Variants in ZNF554 observed in about 807,000 individuals in gnomAD.
ZNF554 encodes the protein zinc finger protein 554.
Under a neutral mutation model 21.2 loss-of-function variants are expected in ZNF554, and 15 were observed. The observed-to-expected ratio is 0.71, with a 90% CI of 0.47 to 1.09. ZNF554 has a LOEUF of 1.09. Ranked by LOEUF, ZNF554 falls within the 50% of genes least tolerant of loss-of-function variation. The pLI is 0.00. For synonymous variants in ZNF554, 258 were observed against 251.4 expected (o/e 1.03, Z -0.25); for missense variants, 691 against 662.7 (o/e 1.04, Z -0.47).
chr19:2,832,718 TTTATC>T (rs2087437642), intron 4 of ZNF554, among the ~76,000 whole-genome samples: 1 of 152,334 alleles, frequency 6.6e-6, no homozygotes, highest in East Asian at 1.9e-4. Flanking sequence ...GTTTTATTTA[TTTATC>T]TTAAGACAGG....
At chr19:2,825,492 G>A (rs1051963158) in intron 2 of ZNF554, among the ~76,000 whole-genome samples, 4 of 152,104 alleles carry the variant, frequency 2.6e-5, no homozygotes, top group Non-Finnish European at 4.4e-5. Context: ...TGTATTTTTA[G>A]TAGAGACAGG....
chr19:2,829,852 CCAGCCCCTCCTT>C (rs1372713266), intron 3 of ZNF554, among the ~76,000 whole-genome samples: 1 of 152,128 alleles, frequency 6.6e-6, no homozygotes, highest in Non-Finnish European at 1.5e-5. Flanking sequence ...TTCTCCCTCC[CCAGCCCCTCCTT>C]CAGCCCCTTG....
intron 4 of ZNF554, 76 bp from the exon 5 acceptor site, chr19:2,833,605 A>T (rs1201916718): frequency 3.2e-6 from 4 of 1,268,240 alleles, no homozygotes; most frequent in Non-Finnish European, 4.4e-6. Context: ...AGATGTCAGA[A>T]GGACTTCTGT....
In ZNF554 at chr19:2,832,508, A is replaced by C; in HGVS notation, c.445+14A>C. On this transcript the variant is annotated intron_variant, in intron 4 of 4. Coordinates refer to ENST00000317243, the MANE Select transcript of ZNF554 (RefSeq NM_001102651.2). The stretch of plus-strand genomic sequence containing the variant: ...CCTCCTGTTCAGGTGAGAATCAGGC[A>C]GATAGAAACCATTGGGATGGCAGTG... 1 of 1,580,366 alleles carries C rather than the reference A, an allele frequency of 6.3e-7. No homozygotes were observed. Among genetic ancestry groups the C allele is most frequent in the Non-Finnish European group, 8.6e-7 (1 of 1,167,240 alleles).
intron 1 of ZNF554, among the ~76,000 whole-genome samples, chr19:2,820,350 C>T (rs905956400): frequency 6.6e-5 from 10 of 152,222 alleles, no homozygotes; most frequent in South Asian, 2.1e-4. Context: ...ATAAGCTTTC[C>T]GAGGCCCAGC....
Position 2,822,160 on chromosome 19 carries a change from C to T in ZNF554, c.54-880C>T, listed in dbSNP as rs190068054. ...CTGTCTCCCAGGTTCAAATAATTAT[C>T]GTGCCTCAGCCTCCTGAGTAGCTGG... is the stretch of plus-strand genomic sequence containing the variant. On this transcript the variant is annotated intron_variant, in intron 1 of 4. Transcript: ENST00000317243. 6.6e-5 allele frequency among the ~76,000 whole-genome samples: 10 copies of T among 152,136 alleles called. No homozygotes were observed. The East Asian group carries it at 1.9e-3, about 29-fold the overall frequency.
At chr19:2,820,192 T>G (rs1022149880) in intron 1 of ZNF554, 68 bp downstream of exon 1, 8 of 1,198,656 alleles carry the variant, frequency 6.7e-6, no homozygotes, top group Non-Finnish European at 8.3e-6. Context: ...TGGGGCTGGG[T>G]CTGGCGGGGC....
rs2087259314 is a variant in ZNF554 at position 2,821,227 on chromosome 19, C to T, written c.53+1103C>T. On this transcript the variant is annotated intron_variant, in intron 1 of 4. Coordinates refer to ENST00000317243, the MANE Select transcript of ZNF554 (RefSeq NM_001102651.2). The surrounding 1 kb of genome is among the most constrained non-coding windows in gnomAD (Gnocchi z 8.2). Reference sequence around the variant, plus strand: ...TCAGCCTCCCAAGTAGCTGGGATTACAGGTGCACGCCACCCCGCCTGGCTA... The same window carrying T: ...TCAGCCTCCCAAGTAGCTGGGATTATAGGTGCACGCCACCCCGCCTGGCTA... Among the ~76,000 whole-genome samples the T allele has an allele frequency of 2.0e-5, 3 of 151,798 alleles. No homozygotes were observed. Among genetic ancestry groups the T allele is most frequent in the African/African-American group, 4.9e-5 (2 of 41,104 alleles).
chr19:2,823,016 G>C, intron 1 of ZNF554, 24 bp from the exon 2 acceptor site: 3 of 1,609,740 alleles, frequency 1.9e-6, no homozygotes, highest in Non-Finnish European at 2.5e-6. Context: ...TCTGGTATTC[G>C]CAGCGCCTTT....
intron 1 of ZNF554, among the ~76,000 whole-genome samples, chr19:2,820,588 AGAGAAT>A (rs989473398): frequency 2.7e-4 from 41 of 152,048 alleles, no homozygotes; most frequent in African/African-American, 9.9e-4. Context: ...TGCCCAGCCC[AGAGAAT>A]GACCCAGGCT....
Position 2,821,914 on chromosome 19 carries a change from T to C in ZNF554, c.54-1126T>C, listed in dbSNP as rs769637495. On this transcript the variant is annotated intron_variant, in intron 1 of 4. Transcript: ENST00000317243. The surrounding 1 kb of genome is among the most constrained non-coding windows in gnomAD (Gnocchi z 8.2). ...TCCTGACCTCGTGGTCTGCCCGCCT[T>C]GGCCTTTCAAAATGCTGGGATTACA... is the stretch of plus-strand genomic sequence containing the variant. Among the ~76,000 whole-genome samples the C allele has an allele frequency of 1.3e-5, 2 of 152,020 alleles. No individual in the cohort carries two copies. Among genetic ancestry groups the C allele is most frequent in the Non-Finnish European group, 2.9e-5 (2 of 68,002 alleles).
In ZNF554 at chr19:2,834,473, G is replaced by A. The variant is rs770451722; in HGVS notation, c.1238G>A (p.Cys413Tyr). The A allele has an allele frequency of 1.2e-6, 2 of 1,614,092 alleles. No individual in the cohort carries two copies. Among genetic ancestry groups the A allele is most frequent in the East Asian group, 2.2e-5 (1 of 44,876 alleles). The change falls in exon 5 of 5, where the codon TGT becomes TAT. Residue 413 changes from cysteine to tyrosine, a missense_variant. Coordinates refer to ENST00000317243, the MANE Select transcript of ZNF554 (RefSeq NM_001102651.2). ...TGEKPYKCEDCGKSFCQSSYL... is the reference protein window; with the variant it reads ...TGEKPYKCEDYGKSFCQSSYL... The stretch of plus-strand genomic sequence containing the variant: ...GAAAAGCCCTATAAATGTGAAGACT[G>A]TGGGAAATCCTTCTGCCAGAGCTCT...
chr19:2,823,245 G>A, intron 2 of ZNF554, 133 bp downstream of exon 2: 1 of 841,330 alleles, frequency 1.2e-6, no homozygotes, highest in Non-Finnish European at 1.8e-6. Context: ...AGTGGTGTGT[G>A]GGATGAGGTA....
At chr19:2,827,816 G>A in intron 3 of ZNF554, 73 bp downstream of exon 3, 1 of 1,553,986 alleles carries the variant, frequency 6.4e-7, no homozygotes, top group Non-Finnish European at 8.8e-7. Context: ...TTCTCACACT[G>A]CTAATAAAGA....
intron 1 of ZNF554, among the ~76,000 whole-genome samples, chr19:2,820,487 C>T (rs2087247775): frequency 6.6e-6 from 1 of 152,144 alleles, no homozygotes. Context: ...CAGGGGACAC[C>T]GGGCGATGTC....
Position 2,823,117 on chromosome 19 carries a change from G to A in ZNF554, c.126+5G>A, listed in dbSNP as rs201277683. On this transcript the variant is annotated splice_donor_5th_base_variant and intron_variant, in intron 2 of 4. Transcript: ENST00000317243. Reference sequence around the variant, plus strand: ...TACCTGCCCCGCTGGTCCCAGGTGAGATGTCCTCATTCTCCCAAAGGGCAC... The same window carrying A: ...TACCTGCCCCGCTGGTCCCAGGTGAAATGTCCTCATTCTCCCAAAGGGCAC... 1.4e-5 allele frequency: 23 copies of A among 1,611,936 alleles called. No homozygotes were observed. The highest frequency in any genetic ancestry group is 2.0e-5 in the Non-Finnish European group (23 of 1,178,442).
At position 2,834,708 on chromosome 19, in the gene ZNF554, C is replaced by T; in HGVS notation, c.1473C>T (p.Pro491=). The T allele has an allele frequency of 6.2e-7, 1 of 1,614,084 alleles. No individual in the cohort carries two copies. ...AGAGAACTCACACTGGAGAGAAACC[C>T]TACAGGTGTCAGGAATGTGGGAAAG... is the stretch of plus-strand genomic sequence containing the variant. ...RHERTHTGEK[P]YRCQECGKAF... is the part of the protein sequence containing the mutation. The change falls in exon 5 of 5, where the codon CCC becomes CCT. Residue 491 remains proline, a synonymous_variant. Coordinates refer to ENST00000317243, the MANE Select transcript of ZNF554 (RefSeq NM_001102651.2).
chr19:2,829,999 A>G (rs1379626402), intron 3 of ZNF554, among the ~76,000 whole-genome samples: 12 of 151,036 alleles, frequency 7.9e-5, no homozygotes, highest in Non-Finnish European at 1.6e-4. Flanking sequence ...ATCTTGGCTC[A>G]CTGCAAGCTC....
intron 2 of ZNF554, among the ~76,000 whole-genome samples, chr19:2,826,643 A>G (rs932713503): frequency 3.3e-5 from 5 of 151,250 alleles, no homozygotes; most frequent in Non-Finnish European, 7.4e-5. Flanking sequence ...CAGTGGGTCA[A>G]GGTTGTTGTA....
Sources: allele counts gnomAD v4.1 joint callset (sites outside exome capture counted in the v4.1 genomes callset), GRCh38; gene constraint gnomAD v4.1.1; non-coding constraint Gnocchi (gnomAD v3.1); transcripts MANE v1.5; gene names NCBI Gene and HGNC (gene_info 2026-07-23, HGNC 2026-07-21).